The following TMEM123 variants were observed in gnomAD, a reference collection of about 807,000 sequenced individuals.
TMEM123 encodes the protein porimin.
A neutral mutation model predicts 19.7 loss-of-function variants in TMEM123; 16 were observed. The observed-to-expected ratio is 0.81, with a 90% CI of 0.55 to 1.23. The LOEUF (loss-of-function observed/expected upper bound fraction) is 1.23, where lower values mean the gene tolerates loss of function less well. Among genes scored for constraint, TMEM123 ranks in the 50% most tolerant of loss-of-function variants. The pLI is 0.00. For missense variants in TMEM123, 313 were observed against 257.8 expected, an observed-to-expected ratio of 1.21 and a Z score of -1.47; for synonymous variants, 118 against 99.4, an observed-to-expected ratio of 1.19 and a Z score of -1.12.
At chr11:102,429,865 C>A (rs1294952199) in intron 2 of TMEM123, among the ~76,000 whole-genome samples, 2 of 152,184 alleles carry the variant, frequency 1.3e-5, no homozygotes, top group Non-Finnish European at 2.9e-5. Context: ...TCTTTTATGT[C>A]AGCAGAAGCA....
intron 2 of TMEM123, among the ~76,000 whole-genome samples, chr11:102,429,216 C>T (rs1952155068): frequency 6.6e-6 from 1 of 152,022 alleles, no homozygotes; most frequent in Non-Finnish European, 1.5e-5. Context: ...TGTTGGACAG[C>T]AGGTGTCCAA....
Position 102,401,652 on chromosome 11 carries a change from T to C in TMEM123, c.489A>G (p.Lys163=), listed in dbSNP as rs531201819. 74 of 1,607,192 alleles carry C rather than the reference T, an allele frequency of 4.6e-5. No individual in the cohort carries two copies. The East Asian group carries it at 1.5e-3, about 33-fold the overall frequency. The part of the protein sequence containing the change: ...TMHSEAKKGS[K]FDTGSFVGGI... ...CACCAACAAAGCTCCCAGTATCAAA[T>C]TTTGATCCTTTCTTTGCTTCAGAAT... Residue 163 remains lysine (K), a synonymous_variant, in exon 4 of 5, where the codon AAA becomes AAG. Transcript: ENST00000398136.
intron 2 of TMEM123, among the ~76,000 whole-genome samples, chr11:102,444,901 C>T (rs1034269319): frequency 2.6e-5 from 4 of 151,868 alleles, no homozygotes; most frequent in African/African-American, 9.7e-5. Flanking sequence ...CCATCATTCT[C>T]AGCAAACTAT....
chr11:102,408,151 CAT>C (rs1951971665), intron 2 of TMEM123, among the ~76,000 whole-genome samples: 1 of 152,158 alleles, frequency 6.6e-6, no homozygotes, highest in South Asian at 2.1e-4. Flanking sequence ...TTTCAACTAA[CAT>C]AATTACAGGA....
chr11:102,399,017 C>G lies in TMEM123; in HGVS notation c.603-126G>C, dbSNP rs1008853322. ...CTGCACAATCAAAATGGTCAGTGTTCTGTGTAAAGTTCCTTAAGTATCCAA... is the reference window on the plus strand; with the variant it reads ...CTGCACAATCAAAATGGTCAGTGTTGTGTGTAAAGTTCCTTAAGTATCCAA... On this transcript the variant is annotated intron_variant, in intron 4 of 4. Coordinates refer to ENST00000398136, the MANE Select transcript of TMEM123 (RefSeq NM_052932.3). 1.3e-5 allele frequency: 11 copies of G among 845,040 alleles called. No homozygotes were observed. In the African/African-American group the frequency reaches 1.5e-4, roughly 12 times the overall value. The allele number at this position is 845,040 out of a possible 1,614,324, so 52.3% of individuals were successfully genotyped here. A position where few individuals can be genotyped will look rare whatever the true frequency, so the allele number is the denominator to read the frequency against.
intron 2 of TMEM123, among the ~76,000 whole-genome samples, chr11:102,420,751 A>G (rs988697111): frequency 1.3e-5 from 2 of 152,198 alleles, no homozygotes; most frequent in African/African-American, 4.8e-5. Context: ...CCTTTAACAC[A>G]TTGCTGACTA....
chr11:102,401,924 G>A lies in TMEM123; in HGVS notation c.440C>T (p.Ser147Leu), dbSNP rs748630464. The change falls in exon 3 of 5, where the codon TCA becomes TTA. Residue 147 changes from serine (S) to leucine (L), a missense_variant. Ser to Leu is a moderately radical substitution (Grantham distance 145). Transcript: ENST00000398136. ...TCAGCTTTAATACATACTTGTTACT[G>A]ATGAAGCAGCAGATGTCACTGAACT... is the stretch of plus-strand genomic sequence containing the variant. ...HNSSVTSAASSVTITTTMHSE... is the reference protein window; with the variant it reads ...HNSSVTSAASLVTITTTMHSE... 1 of 1,613,608 alleles carries A rather than the reference G, an allele frequency of 6.2e-7. No homozygotes were observed. Among genetic ancestry groups the A allele is most frequent in the Non-Finnish European group, 8.5e-7 (1 of 1,179,614 alleles).
At position 102,448,064 on chromosome 11, in the gene TMEM123, T is replaced by G. The variant is rs1268017238; in HGVS notation, c.157+748A>C. Among the ~76,000 whole-genome samples, 3 of 152,220 alleles carry G rather than the reference T, an allele frequency of 2.0e-5. No individual in the cohort carries two copies. The East Asian group carries it at 5.8e-4, about 29-fold the overall frequency. On this transcript the variant is annotated intron_variant, in intron 2 of 4. Coordinates refer to ENST00000398136, the MANE Select transcript of TMEM123 (RefSeq NM_052932.3). ...TAAGGCTTGGTCCATTTTGTATTCT[T>G]AGAACCTAGGATGTGCTAGCTCATT...
At chr11:102,442,842 G>C in intron 2 of TMEM123, among the ~76,000 whole-genome samples, 1 of 152,234 alleles carries the variant, frequency 6.6e-6, no homozygotes, top group Non-Finnish European at 1.5e-5. Context: ...AGCAACTTCA[G>C]CAAAGTCTCA....
intron 2 of TMEM123, among the ~76,000 whole-genome samples, chr11:102,440,569 A>G (rs1857814442): frequency 6.6e-6 from 1 of 152,234 alleles, no homozygotes; most frequent in South Asian, 2.1e-4. Context: ...ATGGAAAGGA[A>G]CAACCGTACC....
At chr11:102,401,854 A>T in intron 3 of TMEM123, 62 bp downstream of exon 3, 1 of 1,565,556 alleles carries the variant, frequency 6.4e-7, no homozygotes, top group Non-Finnish European at 8.7e-7. Context: ...CAGAATAATG[A>T]CTTAAATGTG....
chr11:102,418,907 A>C (rs1400337539), intron 2 of TMEM123, among the ~76,000 whole-genome samples: 1 of 152,210 alleles, frequency 6.6e-6, no homozygotes, highest in Non-Finnish European at 1.5e-5. Flanking sequence ...TTAACACAGA[A>C]ACAGAAAATC....
At chr11:102,427,945 C>A (rs1463291822) in intron 2 of TMEM123, among the ~76,000 whole-genome samples, 1 of 151,886 alleles carries the variant, frequency 6.6e-6, no homozygotes, top group Non-Finnish European at 1.5e-5. Flanking sequence ...AAAGAATATA[C>A]ATATCTTATA....
chr11:102,448,400 T>C (rs1565357854), intron 2 of TMEM123: 1 of 414,050 alleles, frequency 2.4e-6, no homozygotes, highest in Non-Finnish European at 4.8e-6. Context: ...GTAAGTAGGG[T>C]CTCCTTAGAG....
chr11:102,432,982 C>CA (rs1166665460), intron 2 of TMEM123, among the ~76,000 whole-genome samples: 1 of 151,946 alleles, frequency 6.6e-6, no homozygotes, highest in African/African-American at 2.4e-5. Flanking sequence ...GACTGGATTT[C>CA]AGAGAATGTA....
chr11:102,449,009 T>C, intron 1 of TMEM123, 141 bp from the exon 2 acceptor site: 1 of 774,710 alleles, frequency 1.3e-6, no homozygotes, highest in Admixed American at 2.2e-5. Flanking sequence ...CTTTGGCCCC[T>C]GTTGTTATGA....
rs1338008285 is a variant in TMEM123, at chr11:102,398,188, A to T, written c.*679T>A. 1 of 161,552 alleles carries T rather than the reference A, an allele frequency of 6.2e-6. No individual in the cohort carries two copies. Among genetic ancestry groups the T allele is most frequent in the Non-Finnish European group, 1.3e-5 (1 of 74,614 alleles). The allele number at this position is 161,552 out of a possible 1,614,324, so 10.0% of individuals were successfully genotyped here. A position where few individuals can be genotyped will look rare whatever the true frequency, so the allele number is the denominator to read the frequency against. On this transcript the variant is annotated 3_prime_UTR_variant, in exon 5 of 5. Transcript: ENST00000398136. ...CACAGAGAACAAAAATTACATCAAC[A>T]TTGAAAGCTCAAAAGAAGTTAATAA... is the stretch of plus-strand genomic sequence containing the variant.
chr11:102,412,383 G>A (rs1046531429), intron 2 of TMEM123, among the ~76,000 whole-genome samples: 7 of 152,132 alleles, frequency 4.6e-5, no homozygotes, highest in African/African-American at 7.2e-5. Flanking sequence ...AGCCGAGATC[G>A]TACCATTGCA....
chr11:102,452,683 A>T lies in TMEM123; in HGVS notation c.-60T>A. The T allele has an allele frequency of 7.6e-7, 1 of 1,322,494 alleles. No individual in the cohort carries two copies. The highest frequency in any genetic ancestry group is 9.9e-7 in the Non-Finnish European group (1 of 1,011,882). 81.9% of individuals were successfully genotyped at this position (1,322,494 alleles called of 1,614,324 possible). On this transcript the variant is annotated 5_prime_UTR_variant, in exon 1 of 5. Coordinates refer to ENST00000398136, the MANE Select transcript of TMEM123 (RefSeq NM_052932.3). Reference sequence around the variant, plus strand: ...TCCCAGCCGAGGTGGCGGCGGCGAGAGCGGCTCCTCTGCGCAGCCGGCGCC... The same window carrying T: ...TCCCAGCCGAGGTGGCGGCGGCGAGTGCGGCTCCTCTGCGCAGCCGGCGCC...
Sources: allele counts gnomAD v4.1 joint callset (sites outside exome capture counted in the v4.1 genomes callset), GRCh38; gene constraint gnomAD v4.1.1; transcripts MANE v1.5; gene names NCBI Gene and HGNC (gene_info 2026-07-23, HGNC 2026-07-21).